Variants in NUCKS1 observed in about 807,000 individuals in gnomAD.
The protein encoded by NUCKS1 is nuclear ubiquitous casein and cyclin-dependent kinase substrate 1.
In NUCKS1, 2 loss-of-function variants were observed where a neutral mutation model predicts 33.0. The ratio of observed to expected loss-of-function variants is 0.06; its 90% CI spans 0.02 to 0.19. NUCKS1 has a LOEUF of 0.19. NUCKS1 is among the 10% of genes least tolerant of loss of function. The probability of loss-of-function intolerance (pLI) is 1.00; values close to 1 mark genes in which losing one functional copy is unlikely to be tolerated. For synonymous variants in NUCKS1, 106 were observed against 102.8 expected, an observed-to-expected ratio of 1.03 and a Z score of -0.19; for missense variants, 201 against 293.6, an observed-to-expected ratio of 0.68 and a Z score of 2.31.
intron 3 of NUCKS1, among the ~76,000 whole-genome samples, 171 bp downstream of exon 3, chr1:205,727,526 TAAC>T (rs1653809085): frequency 6.6e-6 from 1 of 152,204 alleles, no homozygotes. Flanking sequence ...TAACCTTAGA[TAAC>T]AAATTGTATA....
intron 1 of NUCKS1, among the ~76,000 whole-genome samples, chr1:205,733,636 TAAAA>T (rs1216809969): frequency 6.6e-6 from 1 of 151,600 alleles, no homozygotes; most frequent in East Asian, 1.9e-4. Context: ...AAATAATAAA[TAAAA>T]TATTTAATAA....
intron 1 of NUCKS1, among the ~76,000 whole-genome samples, chr1:205,743,622 G>C (rs1654236309): frequency 6.6e-6 from 1 of 151,970 alleles, no homozygotes; most frequent in Non-Finnish European, 1.5e-5. Context: ...TTTGTTCTTG[G>C]GACAAACCCT....
At chr1:205,744,444 A>G (rs964038902) in intron 1 of NUCKS1, among the ~76,000 whole-genome samples, 3 of 152,178 alleles carry the variant, frequency 2.0e-5, no homozygotes, top group African/African-American at 7.2e-5. Flanking sequence ...TGCTAATTCT[A>G]CTAAGTGAGG....
chr1:205,723,857 T>A, intron 4 of NUCKS1, 69 bp downstream of exon 4: 1 of 1,143,514 alleles, frequency 8.7e-7, no homozygotes, highest in Non-Finnish European at 1.3e-6. Flanking sequence ...TAGAAATCAC[T>A]TATTAAAACA....
intron 1 of NUCKS1, among the ~76,000 whole-genome samples, chr1:205,733,097 G>A (rs1293356698): frequency 6.6e-6 from 1 of 152,100 alleles, no homozygotes; most frequent in East Asian, 1.9e-4. Flanking sequence ...TAAAATACAG[G>A]TTCCGAACTT....
chr1:205,729,261 G>A (rs771434781), intron 2 of NUCKS1, among the ~76,000 whole-genome samples: 13 of 152,108 alleles, frequency 8.5e-5, no homozygotes, highest in African/African-American at 4.8e-5. Context: ...GAGCCATGGC[G>A]ACTGGCTGAC....
At chr1:205,741,967 C>A (rs746957317) in intron 1 of NUCKS1, among the ~76,000 whole-genome samples, 1 of 152,158 alleles carries the variant, frequency 6.6e-6, no homozygotes, top group Non-Finnish European at 1.5e-5. Context: ...TTCTGATAGT[C>A]TCTGATTTTA....
At position 205,717,998 on chromosome 1, in the gene NUCKS1, T is replaced by A. The variant is rs926920271; in HGVS notation, c.*282A>T. On this transcript the variant is annotated 3_prime_UTR_variant, in exon 7 of 7. Coordinates refer to ENST00000367142, the MANE Select transcript of NUCKS1 (RefSeq NM_022731.5). ...AGTCAATCCAGTGATTAATTTGACA[T>A]GGCTTTCATTGGGAAAGGGGAGGGC... 3 of 1,071,528 alleles carry A rather than the reference T, an allele frequency of 2.8e-6. No homozygotes were observed. Among genetic ancestry groups the A allele is most frequent in the Non-Finnish European group, 3.4e-6 (3 of 888,648 alleles). 66.4% of individuals were successfully genotyped at this position (1,071,528 alleles called of 1,614,324 possible).
At chr1:205,723,158 C>G (rs1021310601) in intron 4 of NUCKS1, among the ~76,000 whole-genome samples, 3 of 152,134 alleles carry the variant, frequency 2.0e-5, no homozygotes, top group African/African-American at 7.2e-5. Context: ...GAAAGCAAAA[C>G]AGCTAAGCAG....
intron 1 of NUCKS1, among the ~76,000 whole-genome samples, chr1:205,745,252 A>C (rs1353745016): frequency 6.6e-6 from 1 of 152,186 alleles, no homozygotes; most frequent in African/African-American, 2.4e-5. Context: ...AACGGGACTT[A>C]AGTTCTTTCT....
At chr1:205,732,344 A>G (rs1390824877) in intron 1 of NUCKS1, among the ~76,000 whole-genome samples, 1 of 152,192 alleles carries the variant, frequency 6.6e-6, no homozygotes, top group Admixed American at 6.5e-5. Context: ...ATTCAGAGAG[A>G]CAGAAAGTAG....
rs1571565890 is a variant in NUCKS1 at position 205,715,893 on chromosome 1, C to A, written c.*2387G>T. ...AAGCCTGACTATTGAGCACCTGTATCCAGTTGAGTCACCACCACTGTCCTC... is the reference window on the plus strand; with the variant it reads ...AAGCCTGACTATTGAGCACCTGTATACAGTTGAGTCACCACCACTGTCCTC... On this transcript the variant is annotated 3_prime_UTR_variant, in exon 7 of 7. Coordinates refer to ENST00000367142, the MANE Select transcript of NUCKS1 (RefSeq NM_022731.5). 6.6e-6 allele frequency: 1 copy of A among 152,294 alleles called. No homozygotes were observed. The highest frequency in any genetic ancestry group is 1.5e-5 in the Non-Finnish European group (1 of 68,020). The allele number at this position is 152,294 out of a possible 1,614,324, so 9.4% of individuals were successfully genotyped here. A position where few individuals can be genotyped will look rare whatever the true frequency, so the allele number is the denominator to read the frequency against.
In NUCKS1 at chr1:205,723,905, AC is replaced by A; in HGVS notation, c.229+20del. On this transcript the variant is annotated intron_variant, in intron 4 of 6. Transcript: ENST00000367142. ...ATATACAAATATAATTATACCTCTT[AC>A]ATTTAAAATAGTTTACTACCTGCTG... 1 of 1,516,206 alleles carries A rather than the reference AC, an allele frequency of 6.6e-7. No individual in the cohort carries two copies. Among genetic ancestry groups the A allele is most frequent in the South Asian group, 1.1e-5 (1 of 88,492 alleles). The allele number at this position is 1,516,206 out of a possible 1,614,324, so 93.9% of individuals were successfully genotyped here. A position where few individuals can be genotyped will look rare whatever the true frequency, so the allele number is the denominator to read the frequency against.
chr1:205,745,616 C>G (rs1399058263), intron 1 of NUCKS1, among the ~76,000 whole-genome samples: 2 of 152,072 alleles, frequency 1.3e-5, no homozygotes, highest in African/African-American at 4.8e-5. Context: ...GGAATGTATT[C>G]ACCATTGAGG....
rs1262978731 is a variant in NUCKS1 at position 205,715,973 on chromosome 1, AAAG to A, written c.*2304_*2306del. ...CTAGAGTGTTTTAAATCATCAATAA[AAAG>A]TGGAGAAAACAAAGGTTATTCAGAG... On this transcript the variant is annotated 3_prime_UTR_variant, in exon 7 of 7. Transcript: ENST00000367142. 6.6e-6 allele frequency: 1 copy of A among 152,162 alleles called. No individual in the cohort carries two copies. The highest frequency in any genetic ancestry group is 6.5e-5 in the Admixed American group (1 of 15,272). The allele number at this position is 152,162 out of a possible 1,614,324, so 9.4% of individuals were successfully genotyped here. A position where few individuals can be genotyped will look rare whatever the true frequency, so the allele number is the denominator to read the frequency against.
At chr1:205,745,977 G>A (rs1331243080) in intron 1 of NUCKS1, among the ~76,000 whole-genome samples, 2 of 152,152 alleles carry the variant, frequency 1.3e-5, no homozygotes, top group African/African-American at 4.8e-5. Context: ...TGTATGTTGA[G>A]CAAAAGTGAA....
At chr1:205,731,246 A>AGACCTCAG (rs781039511) in intron 1 of NUCKS1, 5 of 152,236 alleles carry the variant, frequency 3.3e-5, no homozygotes, top group Non-Finnish European at 7.3e-5. Flanking sequence ...TTATAAAACT[A>AGACCTCAG]GACCTCAGGA....
rs542686928 is a variant in NUCKS1, at chr1:205,726,476, A to G, written c.173+1224T>C. On this transcript the variant is annotated intron_variant, in intron 3 of 6. Transcript: ENST00000367142. ...ACACTTCTGAAATGCTCCAGCAAAA[A>G]AAGTATTAGAGGTTGTCAACATAAA... is the stretch of plus-strand genomic sequence containing the variant. 5.3e-5 allele frequency among the ~76,000 whole-genome samples: 8 copies of G among 152,356 alleles called. No homozygotes were observed. The South Asian group carries it at 1.7e-3, about 32-fold the overall frequency.
intron 1 of NUCKS1, among the ~76,000 whole-genome samples, chr1:205,736,654 T>C (rs557177555): frequency 5.3e-5 from 8 of 151,928 alleles, no homozygotes; most frequent in Admixed American, 2.6e-4. Flanking sequence ...CAAAACTCCA[T>C]CTCTACTAAA....
Sources: gnomAD v4.1 joint callset for allele counts (sites outside exome capture counted in the v4.1 genomes callset) on GRCh38, gnomAD v4.1.1 for gene constraint, MANE v1.5 for transcripts, NCBI Gene and HGNC (gene_info 2026-07-23, HGNC 2026-07-21) for gene names.